The following ZNF790 variants were observed in gnomAD, a reference collection of about 807,000 sequenced individuals.
ZNF790 encodes the protein zinc finger protein 790.
A neutral mutation model predicts 12.1 loss-of-function variants in ZNF790; 8 were observed. The ratio of observed to expected loss-of-function variants is 0.66; its 90% CI spans 0.39 to 1.19. The LOEUF is 1.19. Among genes scored for constraint, ZNF790 ranks in the 50% most tolerant of loss-of-function variants. The probability of loss-of-function intolerance (pLI) is 0.01; values close to 1 mark genes in which losing one functional copy is unlikely to be tolerated. For synonymous variants in ZNF790, 252 were observed against 244.3 expected (o/e 1.03, Z -0.29); for missense variants, 707 against 752.2 (o/e 0.94, Z 0.70).
chr19:36,826,532 G>A (rs975847100), intron 1 of ZNF790, among the ~76,000 whole-genome samples: 1 of 149,940 alleles, frequency 6.7e-6, no homozygotes, highest in Non-Finnish European at 1.5e-5. Flanking sequence ...GCAGTGAGCC[G>A]AGATTGCACC....
chr19:36,842,781 G>A (rs578192972), upstream of ZNF790, among the ~76,000 whole-genome samples: 4 of 152,030 alleles, frequency 2.6e-5, no homozygotes, highest in East Asian at 7.7e-4. Flanking sequence ...TGAGGCAGGT[G>A]AATCACAAGG....
chr19:36,837,733 GTTCCCCAGCCGTC>G (rs978970287), intron 1 of ZNF790: 5 of 150,976 alleles, frequency 3.3e-5, no homozygotes, highest in East Asian at 3.9e-4. Flanking sequence ...ATGGGTGGTT[GTTCCCCAGCCGTC>G]TTCCCCAGCC....
chr19:36,824,333 G>A (rs2071750826), intron 2 of ZNF790, among the ~76,000 whole-genome samples: 1 of 151,544 alleles, frequency 6.6e-6, no homozygotes, highest in Non-Finnish European at 1.5e-5. Context: ...ACGAGACAGA[G>A]TGTTGCTCTG....
rs1219973477 is a variant in ZNF790 at position 36,818,923 on chromosome 19, C to A, written c.1421G>T (p.Gly474Val). 6.2e-7 allele frequency: 1 copy of A among 1,610,336 alleles called. No individual in the cohort carries two copies. Among genetic ancestry groups the A allele is most frequent in the Non-Finnish European group, 8.5e-7 (1 of 1,177,530 alleles). Residue 474 changes from glycine to valine, a missense_variant, in exon 5 of 5, where the codon GGT becomes GTT. By Grantham distance (109) the Gly-to-Val change is moderately radical. Transcript: ENST00000356725. ...EFNRHQKIHT[G>V]ERNYECKECG... ...TTCCTTACATTCATAGTTTCTCTCA[C>A]CAGTATGAATTTTCTGATGTCGATT...
intron 1 of ZNF790, among the ~76,000 whole-genome samples, chr19:36,835,957 T>C (rs1244252353): frequency 6.6e-6 from 1 of 152,110 alleles, no homozygotes; most frequent in African/African-American, 2.4e-5. Flanking sequence ...TTCTTAACTT[T>C]ATCCCCTTTG....
chr19:36,835,813 A>G lies in ZNF790; in HGVS notation c.-74+2524T>C, dbSNP rs943328739. On this transcript the variant is annotated intron_variant, in intron 1 of 4. Transcript: ENST00000356725. Reference sequence around the variant, plus strand: ...GCCCACTTCCTCTATCTAGTAAGCAATGTGGCATCTCTCTGACCATTCTTC... The same window carrying G: ...GCCCACTTCCTCTATCTAGTAAGCAGTGTGGCATCTCTCTGACCATTCTTC... 4.6e-5 allele frequency among the ~76,000 whole-genome samples: 7 copies of G among 151,296 alleles called. No individual in the cohort carries two copies. The East Asian group carries it at 1.4e-3, about 29-fold the overall frequency.
chr19:36,840,877 T>C (rs2072124039), upstream of ZNF790, among the ~76,000 whole-genome samples: 1 of 151,550 alleles, frequency 6.6e-6, no homozygotes, highest in South Asian at 2.1e-4. Flanking sequence ...AACAAACAAA[T>C]AGAGGTAGAC....
intron 1 of ZNF790, among the ~76,000 whole-genome samples, chr19:36,828,570 A>G (rs1028039718): frequency 1.3e-4 from 20 of 152,098 alleles, no homozygotes; most frequent in Admixed American, 8.5e-4. Context: ...TCAAACTGCT[A>G]GGCTGAAGCG....
chr19:36,846,451 G>T (rs1027815177), intron 1 of ZNF790, among the ~76,000 whole-genome samples: 3 of 152,130 alleles, frequency 2.0e-5, no homozygotes, highest in Non-Finnish European at 4.4e-5. Context: ...TGCAGTCCCA[G>T]CTACTCGGGA....
chr19:36,827,141 C>CACACACATATATATATATATATATATAT (rs1313807327), intron 1 of ZNF790, among the ~76,000 whole-genome samples: 1 of 84,444 alleles, frequency 1.2e-5, no homozygotes, highest in East Asian at 4.9e-4. Flanking sequence ...CACACACACA[C>CACACACATATATATATATATATATATAT]ATATATATAT....
At chr19:36,842,289 C>A (rs1384513287), upstream of ZNF790, among the ~76,000 whole-genome samples, 1 of 152,008 alleles carries the variant, frequency 6.6e-6, no homozygotes, top group African/African-American at 2.4e-5. Context: ...AAACAAATAA[C>A]CTCAAGCTTA....
Position 36,838,172 on chromosome 19 carries a change from G to A in ZNF790, c.-74+165C>T. On this transcript the variant is annotated intron_variant, in intron 1 of 4. Coordinates refer to ENST00000356725, the MANE Select transcript of ZNF790 (RefSeq NM_206894.4). The surrounding 1 kb of genome is among the most constrained non-coding windows in gnomAD (Gnocchi z 4.4). ...AGCTCCCGTCGCGGCCCCAGCTCCT[G>A]CATCAATTTCACTCTCGCATCCACT... is the stretch of plus-strand genomic sequence containing the variant. 1 of 152,586 alleles carries A rather than the reference G, an allele frequency of 6.6e-6. No individual in the cohort carries two copies. The allele number at this position is 152,586 out of a possible 1,614,324, so 9.5% of individuals were successfully genotyped here. A position where few individuals can be genotyped will look rare whatever the true frequency, so the allele number is the denominator to read the frequency against.
upstream of ZNF790, among the ~76,000 whole-genome samples, chr19:36,840,582 C>T (rs1049947525): frequency 6.6e-6 from 1 of 152,070 alleles, no homozygotes; most frequent in African/African-American, 2.4e-5. Context: ...AGAAGGAAAG[C>T]GGGTGTTTAA....
intron 1 of ZNF790, among the ~76,000 whole-genome samples, chr19:36,849,760 T>A (rs2072224633): frequency 6.6e-6 from 1 of 151,574 alleles, no homozygotes; most frequent in Non-Finnish European, 1.5e-5. Flanking sequence ...CACATTCAGG[T>A]GATTACACAC....
intron 1 of ZNF790, among the ~76,000 whole-genome samples, chr19:36,844,643 A>AT (rs1245259362): frequency 1.3e-5 from 2 of 152,230 alleles, no homozygotes; most frequent in South Asian, 4.1e-4. Context: ...TGAGAAAAAA[A>AT]ATATATATAA....
intron 1 of ZNF790, among the ~76,000 whole-genome samples, chr19:36,834,186 T>C (rs1041285211): frequency 7.3e-6 from 1 of 136,464 alleles, no homozygotes; most frequent in Non-Finnish European, 1.5e-5. Flanking sequence ...GAGCTTGCGG[T>C]GAGCCGAGAT....
intron 1 of ZNF790, among the ~76,000 whole-genome samples, chr19:36,849,075 G>C (rs2072212509): frequency 6.6e-6 from 1 of 152,100 alleles, no homozygotes; most frequent in South Asian, 2.1e-4. Context: ...TTACAGGCGT[G>C]AGCCACCGCA....
rs1194952791 is a variant in ZNF790 at position 36,817,612 on chromosome 19, T to G, written c.*821A>C. 2.0e-5 allele frequency: 3 copies of G among 151,970 alleles called. No homozygotes were observed. The highest frequency in any genetic ancestry group is 2.9e-5 in the Non-Finnish European group (2 of 67,998). 9.4% of individuals were successfully genotyped at this position (151,970 alleles called of 1,614,324 possible). A position where few individuals can be genotyped will look rare whatever the true frequency, so the allele number is the denominator to read the frequency against. Reference sequence around the variant, plus strand: ...ATGTAAATCTCAAATCATTCAACCCTTATAATCTAATGAATACGATTAAAC... The same window carrying G: ...ATGTAAATCTCAAATCATTCAACCCGTATAATCTAATGAATACGATTAAAC... On this transcript the variant is annotated 3_prime_UTR_variant, in exon 5 of 5. Transcript: ENST00000356725.
chr19:36,834,733 A>G (rs1292173662), intron 1 of ZNF790, among the ~76,000 whole-genome samples: 3 of 152,198 alleles, frequency 2.0e-5, no homozygotes. Flanking sequence ...ATACATGTAA[A>G]CACAAAATGA....
Sources: allele counts gnomAD v4.1 joint callset (sites outside exome capture counted in the v4.1 genomes callset), GRCh38; gene constraint gnomAD v4.1.1; non-coding constraint Gnocchi (gnomAD v3.1); transcripts MANE v1.5; gene names NCBI Gene and HGNC (gene_info 2026-07-23, HGNC 2026-07-21).